MYO3B: variants seen among roughly 807,000 people sequenced by gnomAD.
The protein encoded by MYO3B is myosin IIIB.
A neutral mutation model predicts 174.6 loss-of-function variants in MYO3B; 156 were observed. That is an observed-to-expected ratio of 0.89 (90% confidence interval 0.78 to 1.02). MYO3B has a LOEUF of 1.02. MYO3B is among the 50% of genes least tolerant of loss of function. The probability of loss-of-function intolerance (pLI) is 0.00; values close to 1 mark genes in which losing one functional copy is unlikely to be tolerated. For missense variants in MYO3B, 1,632 were observed against 1,639.4 expected, an observed-to-expected ratio of 1.00 and a Z score of 0.08; for synonymous variants, 563 against 569.1, an observed-to-expected ratio of 0.99 and a Z score of 0.15.
At chr2:170,397,896 A>C (rs1163361710) in intron 16 of MYO3B, among the ~76,000 whole-genome samples, 1 of 152,144 alleles carries the variant, frequency 6.6e-6, no homozygotes, top group African/African-American at 2.4e-5. Flanking sequence ...ACTCAGGAAA[A>C]CACTTTACTT....
At chr2:170,307,960 A>T (rs2093712151) in intron 7 of MYO3B, among the ~76,000 whole-genome samples, 1 of 152,182 alleles carries the variant, frequency 6.6e-6, no homozygotes, top group Non-Finnish European at 1.5e-5. Context: ...CTCCTACTTC[A>T]GAAATAGGAA....
intron 7 of MYO3B, among the ~76,000 whole-genome samples, chr2:170,275,001 A>G (rs902792774): frequency 6.6e-6 from 1 of 152,158 alleles, no homozygotes; most frequent in Admixed American, 6.6e-5. Flanking sequence ...AATGTTGCCA[A>G]AATAGAAAGT....
At chr2:170,575,100 T>G (rs72625223) in intron 32 of MYO3B, among the ~76,000 whole-genome samples, 7,108 of 152,242 alleles carry the variant, frequency 0.047, 366 homozygotes, top group East Asian at 0.25. Flanking sequence ...ACACTTCTAA[T>G]TGAAAAATTT....
At chr2:170,403,759 T>C (rs1041995021) in intron 19 of MYO3B, among the ~76,000 whole-genome samples, 1 of 152,198 alleles carries the variant, frequency 6.6e-6, no homozygotes, top group Non-Finnish European at 1.5e-5. Flanking sequence ...TGCTTTTATC[T>C]CTGGAGCTGG....
At chr2:170,435,798 A>G (rs1044030844) in intron 22 of MYO3B, among the ~76,000 whole-genome samples, 5 of 152,214 alleles carry the variant, frequency 3.3e-5, no homozygotes, top group Admixed American at 6.5e-5. Context: ...GCCCACCAAC[A>G]ATCACCACTG....
At chr2:170,635,892 G>T (rs1697423943) in intron 32 of MYO3B, among the ~76,000 whole-genome samples, 1 of 152,126 alleles carries the variant, frequency 6.6e-6, no homozygotes, top group Admixed American at 6.6e-5. Context: ...CAACACCCCT[G>T]ACTGACATTT....
intron 9 of MYO3B, among the ~76,000 whole-genome samples, chr2:170,378,213 A>G (rs1013862636): frequency 1.3e-5 from 2 of 152,208 alleles, no homozygotes; most frequent in Non-Finnish European, 2.9e-5. Context: ...GAAATAAATA[A>G]TGCTTTTTCT....
At chr2:170,463,204 C>T (rs1000353891) in intron 23 of MYO3B, among the ~76,000 whole-genome samples, 164 bp from the exon 24 acceptor site, 4 of 152,152 alleles carry the variant, frequency 2.6e-5, no homozygotes, top group South Asian at 2.1e-4. Context: ...CATATTCTTT[C>T]GTTTCTATGT....
At chr2:170,348,795 C>T (rs1021013426) in intron 8 of MYO3B, 5 of 152,162 alleles carry the variant, frequency 3.3e-5, no homozygotes, top group Admixed American at 6.5e-5. Context: ...TGTAGGAGAG[C>T]TGGCTATAGC....
At chr2:170,345,376 C>T (rs534050173) in intron 8 of MYO3B, among the ~76,000 whole-genome samples, 7 of 152,176 alleles carry the variant, frequency 4.6e-5, no homozygotes, top group African/African-American at 7.2e-5. Flanking sequence ...GGCATATGTG[C>T]GGCTTCCACT....
chr2:170,626,938 C>T (rs1456314778), intron 32 of MYO3B, among the ~76,000 whole-genome samples: 1 of 152,148 alleles, frequency 6.6e-6, no homozygotes, highest in Admixed American at 6.6e-5. Flanking sequence ...GATGGGCTTC[C>T]CTTTGTGGGT....
At chr2:170,491,574 C>T (rs552657929) in intron 25 of MYO3B, among the ~76,000 whole-genome samples, 6 of 152,232 alleles carry the variant, frequency 3.9e-5, no homozygotes, top group South Asian at 2.1e-4. Flanking sequence ...TATAGGTGCC[C>T]GCCACCATGC....
chr2:170,224,853 A>G (rs2092935196), intron 6 of MYO3B, among the ~76,000 whole-genome samples: 3 of 152,344 alleles, frequency 2.0e-5, no homozygotes, highest in Middle Eastern at 6.8e-3. Flanking sequence ...GTCGTTGACA[A>G]GGGACGGTTG....
At chr2:170,649,868 A>G (rs200984952) in intron 32 of MYO3B, 1 of 150,446 alleles carries the variant, frequency 6.6e-6, no homozygotes. Flanking sequence ...AAAAAAAAAA[A>G]AAACAAAACA....
rs916163267 is a variant in MYO3B at position 170,646,303 on chromosome 2, T to A, written c.3734-5325T>A. ...AAAAAAAAAGTGTTATGTCTGTCTG[T>A]CTTCATACAAATTGGGTTTTTTTTC... On this transcript the variant is annotated intron_variant, in intron 32 of 34. Transcript: ENST00000408978. Among the ~76,000 whole-genome samples the A allele has an allele frequency of 3.9e-5, 6 of 152,120 alleles. No homozygotes were observed. The East Asian group carries it at 1.2e-3, about 29-fold the overall frequency.
At chr2:170,463,061 G>T (rs532901094) in intron 23 of MYO3B, among the ~76,000 whole-genome samples, 1 of 152,312 alleles carries the variant, frequency 6.6e-6, no homozygotes, top group South Asian at 2.1e-4. Flanking sequence ...CAATAGTTTG[G>T]TCTCATATGA....
At chr2:170,353,478 A>G (rs1456614806) in intron 8 of MYO3B, among the ~76,000 whole-genome samples, 1 of 152,228 alleles carries the variant, frequency 6.6e-6, no homozygotes. Flanking sequence ...ATAATACTCT[A>G]CGAATGGATT....
intron 1 of MYO3B, among the ~76,000 whole-genome samples, chr2:170,183,319 G>C (rs1484590543): frequency 2.6e-5 from 4 of 152,046 alleles, no homozygotes; most frequent in Non-Finnish European, 5.9e-5. Context: ...TCACAGTAAG[G>C]TTTTCTATCC....
At chr2:170,507,560 C>T (rs1687690299) in intron 28 of MYO3B, among the ~76,000 whole-genome samples, 1 of 151,950 alleles carries the variant, frequency 6.6e-6, no homozygotes, top group Non-Finnish European at 1.5e-5. Flanking sequence ...CCACCACACC[C>T]AGCTCTTTTA....
Sources: allele counts gnomAD v4.1 joint callset (sites outside exome capture counted in the v4.1 genomes callset), GRCh38; gene constraint gnomAD v4.1.1; transcripts MANE v1.5; gene names NCBI Gene and HGNC (gene_info 2026-07-23, HGNC 2026-07-21).